Variants in EPC1 observed in about 807,000 individuals in gnomAD.
EPC1 encodes enhancer of polycomb homolog 1.
EPC1 carries 12 observed loss-of-function variants against 98.4 expected under a neutral mutation model. The ratio of observed to expected loss-of-function variants is 0.12; its 90% CI spans 0.08 to 0.20. The LOEUF (loss-of-function observed/expected upper bound fraction) is 0.20, where lower values mean the gene tolerates loss of function less well. Ranked by LOEUF, EPC1 falls within the 10% of genes least tolerant of loss-of-function variation. The pLI is 1.00. For missense variants in EPC1, 729 were observed against 990.5 expected, an observed-to-expected ratio of 0.74 and a Z score of 3.54; for synonymous variants, 357 against 363.9, an observed-to-expected ratio of 0.98 and a Z score of 0.21.
chr10:32,285,227 TA>T (rs922802174), intron 9 of EPC1, 177 bp from the exon 10 acceptor site: 3 of 485,922 alleles, frequency 6.2e-6, no homozygotes, highest in Admixed American at 7.6e-5. Flanking sequence ...CAATTTCTAA[TA>T]AAAGTTCTTT....
At chr10:32,291,351 T>TTA in intron 5 of EPC1, 29 bp from the exon 6 acceptor site, 2 of 1,516,956 alleles carry the variant, frequency 1.3e-6, no homozygotes, top group South Asian at 1.2e-5. Flanking sequence ...AAGTTTAAAA[T>TTA]TATATATATT....
chr10:32,351,680 G>T (rs1041974864), upstream of EPC1, among the ~76,000 whole-genome samples: 1 of 151,432 alleles, frequency 6.6e-6, no homozygotes, highest in Non-Finnish European at 1.5e-5. Context: ...AAAAATCAGC[G>T]TGTCTTTCCT....
upstream of EPC1, among the ~76,000 whole-genome samples, chr10:32,350,598 A>G (rs1230392961): frequency 1.3e-5 from 2 of 152,240 alleles, no homozygotes; most frequent in Admixed American, 1.3e-4. Context: ...AGACTCCAAC[A>G]ACAAGCCAAT....
chr10:32,358,284 T>A (rs2133096218), intron 1 of EPC1, among the ~76,000 whole-genome samples: 1 of 152,326 alleles, frequency 6.6e-6, no homozygotes, highest in South Asian at 2.1e-4. Flanking sequence ...AAGTATAGAA[T>A]GCACTGACTT....
intron 1 of EPC1, among the ~76,000 whole-genome samples, chr10:32,370,336 C>CT (rs1170169980): frequency 6.6e-6 from 1 of 152,126 alleles, no homozygotes; most frequent in Admixed American, 6.5e-5. Context: ...GAGAAGTAGC[C>CT]TGGCTAGTCT....
At chr10:32,369,027 T>A (rs1192425945) in intron 1 of EPC1, among the ~76,000 whole-genome samples, 1 of 152,218 alleles carries the variant, frequency 6.6e-6, no homozygotes, top group Non-Finnish European at 1.5e-5. Flanking sequence ...GTTCTCCTAA[T>A]GTCTGCAATA....
intron 1 of EPC1, among the ~76,000 whole-genome samples, chr10:32,373,314 C>T (rs553488581): frequency 6.6e-6 from 1 of 152,262 alleles, no homozygotes; most frequent in African/African-American, 2.4e-5. Context: ...ACATAGTAAG[C>T]TCTAATCAAA....
intron 1 of EPC1, among the ~76,000 whole-genome samples, chr10:32,318,987 A>G (rs961880683): frequency 6.6e-6 from 1 of 152,154 alleles, no homozygotes; most frequent in Admixed American, 6.6e-5. Flanking sequence ...TCAACACCTG[A>G]CCACTTTCTC....
At chr10:32,357,940 C>T (rs536306064) in intron 1 of EPC1, among the ~76,000 whole-genome samples, 16 of 150,800 alleles carry the variant, frequency 1.1e-4, no homozygotes, top group African/African-American at 3.9e-4. Flanking sequence ...CTGCAACCTC[C>T]ACCTCCCGGA....
At chr10:32,304,104 A>ATATT in intron 2 of EPC1, among the ~76,000 whole-genome samples, 1 of 152,194 alleles carries the variant, frequency 6.6e-6, no homozygotes, top group Non-Finnish European at 1.5e-5. Flanking sequence ...TTTGATTATA[A>ATATT]TGTCAGGAGT....
At position 32,268,137 on chromosome 10, in the gene EPC1, G is replaced by T. The variant is rs905782817; in HGVS notation, c.*926C>A. On this transcript the variant is annotated 3_prime_UTR_variant, in exon 14 of 14. Coordinates refer to ENST00000319778, the MANE Select transcript of EPC1 (RefSeq NM_001272004.3). ...TTTTAAACAATTCGACAATAAAAAA[G>T]TACAATTTTTTTTGTGCTAAAAAAA... The T allele has an allele frequency of 6.6e-6, 1 of 152,012 alleles. No individual in the cohort carries two copies. The highest frequency in any genetic ancestry group is 1.5e-5 in the Non-Finnish European group (1 of 67,986). 9.4% of individuals were successfully genotyped at this position (152,012 alleles called of 1,614,324 possible). A position where few individuals can be genotyped will look rare whatever the true frequency, so the allele number is the denominator to read the frequency against.
At chr10:32,297,224 G>C (rs1564531549) in intron 2 of EPC1, among the ~76,000 whole-genome samples, 1 of 151,610 alleles carries the variant, frequency 6.6e-6, no homozygotes, top group Admixed American at 6.6e-5. Flanking sequence ...CAGGCAAATA[G>C]GTCATCTTTT....
Position 32,293,601 on chromosome 10 carries a change from A to G in EPC1, c.450T>C (p.Ser150=), listed in dbSNP as rs768753171. Residue 150 remains serine, a synonymous_variant, in exon 3 of 14, where the codon AGT becomes AGC. Coordinates refer to ENST00000319778, the MANE Select transcript of EPC1 (RefSeq NM_001272004.3). The part of the protein sequence containing the change: ...EEMIDRLEKG[S]GQQPVSLQEA... ...ACAAATGAAGTTGTACCTGCTGACC[A>G]CTGCCTTTTTCTAGGCGGTCAATCA... 3.0e-5 allele frequency: 48 copies of G among 1,613,234 alleles called. No individual in the cohort carries two copies. Among genetic ancestry groups the G allele is most frequent in the Admixed American group, 6.7e-5 (4 of 59,948 alleles).
At chr10:32,275,359 C>A (rs766397301) in intron 10 of EPC1, among the ~76,000 whole-genome samples, 1 of 152,218 alleles carries the variant, frequency 6.6e-6, no homozygotes, top group Non-Finnish European at 1.5e-5. Flanking sequence ...CAAGGCCAGG[C>A]GCGGTGGCGC....
chr10:32,341,554 GA>G (rs776191589), intron 1 of EPC1, among the ~76,000 whole-genome samples: 3 of 151,942 alleles, frequency 2.0e-5, no homozygotes, highest in Non-Finnish European at 4.4e-5. Context: ...CCTATTAACA[GA>G]AAAAAATGTA....
At chr10:32,361,026 C>A (rs1839429637) in intron 1 of EPC1, among the ~76,000 whole-genome samples, 1 of 152,214 alleles carries the variant, frequency 6.6e-6, no homozygotes, top group African/African-American at 2.4e-5. Context: ...GCCAAGGGAG[C>A]ACTCTCCAAG....
intron 10 of EPC1, chr10:32,273,818 T>C (rs1835954038): frequency 6.6e-6 from 1 of 151,880 alleles, no homozygotes; most frequent in Admixed American, 6.6e-5. Flanking sequence ...CAGTTGTTGG[T>C]TGGTTTATTG....
At chr10:32,273,873 G>C (rs966152154) in intron 10 of EPC1, 3 of 151,984 alleles carry the variant, frequency 2.0e-5, no homozygotes, top group Non-Finnish European at 4.4e-5. Context: ...AGGAAGAAAA[G>C]AGGCTCTAAT....
Position 32,342,735 on chromosome 10 carries a change from C to T in EPC1, c.153+4028G>A, listed in dbSNP as rs1038049739. On this transcript the variant is annotated intron_variant, in intron 1 of 13. Transcript: ENST00000319778. ...AGGAAAGGTTAAGTTGCCACCCCCT[C>T]ATAAATGGAACAACGCACCCTAGAC... Among the ~76,000 whole-genome samples, 11 of 152,184 alleles carry T rather than the reference C, an allele frequency of 7.2e-5. No individual in the cohort carries two copies. The South Asian group carries it at 8.3e-4, about 11-fold the overall frequency.
Sources: gnomAD v4.1 joint callset for allele counts (sites outside exome capture counted in the v4.1 genomes callset) on GRCh38, gnomAD v4.1.1 for gene constraint, MANE v1.5 for transcripts, NCBI Gene and HGNC (gene_info 2026-07-23, HGNC 2026-07-21) for gene names.